The following ZNF469 variants were observed in gnomAD, a reference collection of about 807,000 sequenced individuals.
The protein encoded by ZNF469 is zinc finger protein 469.
ZNF469 carries 1 observed loss-of-function variant against 1.0 expected under a neutral mutation model. The ratio of observed to expected loss-of-function variants is 1.00; its 90% CI spans 0.35 to 4.73. The LOEUF (loss-of-function observed/expected upper bound fraction) is 4.73, where lower values mean the gene tolerates loss of function less well. ZNF469 is among the 30% of genes most tolerant of loss of function. The pLI is 0.16. For synonymous variants in ZNF469, 2,703 were observed against 2,363.4 expected (o/e 1.14, Z -4.17); for missense variants, 6,100 against 5,356.3 (o/e 1.14, Z -4.33).
chr16:88,337,403 T>G, the ZNF469 span, among the ~76,000 whole-genome samples: 1 of 152,230 alleles, frequency 6.6e-6, no homozygotes, highest in African/African-American at 2.4e-5. Flanking sequence ...TGAGGCCTCC[T>G]CAGCCCTGTG....
rs1279222105 is a variant in ZNF469 at position 88,424,327 on chromosome 16, A to G, written c.-191-480A>G. 6.6e-6 allele frequency among the ~76,000 whole-genome samples: 1 copy of G among 152,158 alleles called. No individual in the cohort carries two copies. Among genetic ancestry groups the G allele is most frequent in the African/African-American group, 2.4e-5 (1 of 41,424 alleles). On this transcript the variant is annotated intron_variant, in intron 1 of 2. Transcript: ENST00000565624. This position sits in a 1 kb window ranked among gnomAD's most constrained non-coding sequence, Gnocchi z 4.3. ...GTAGCCGACGATCTTCTGTTGAAGG[A>G]AGGAGGAAAGGCAGTGTGTGTTCCT...
chr16:88,321,342 T>C, the ZNF469 span, among the ~76,000 whole-genome samples: 5 of 152,284 alleles, frequency 3.3e-5, no homozygotes, highest in Admixed American at 6.5e-5. Flanking sequence ...CCGTAAGGCC[T>C]TGCCTGATTG....
chr16:88,247,360 GTGAA>G, the ZNF469 span, among the ~76,000 whole-genome samples: 4 of 102,576 alleles, frequency 3.9e-5, no homozygotes, highest in Admixed American at 9.8e-5. Context: ...GAATGAGTGA[GTGAA>G]TGAATGAGTG....
At chr16:88,274,212 G>A in the ZNF469 span, among the ~76,000 whole-genome samples, 9 of 152,188 alleles carry the variant, frequency 5.9e-5, no homozygotes, top group Non-Finnish European at 1.2e-4. Context: ...GACAAAAACT[G>A]TCTAATACCC....
the ZNF469 span, among the ~76,000 whole-genome samples, chr16:88,238,787 C>T: frequency 6.6e-6 from 1 of 152,250 alleles, no homozygotes; most frequent in Non-Finnish European, 1.5e-5. Context: ...TGTGATAATC[C>T]ACCAGAGCCC....
chr16:88,144,805 G>C, the ZNF469 span, among the ~76,000 whole-genome samples: 2 of 152,186 alleles, frequency 1.3e-5, no homozygotes, highest in South Asian at 2.1e-4. Flanking sequence ...CCATATTCTA[G>C]AGTCTCTTAT....
chr16:88,177,539 T>A, the ZNF469 span: 2 of 152,212 alleles, frequency 1.3e-5, no homozygotes, highest in African/African-American at 4.8e-5. This position sits in a 1 kb window ranked among gnomAD's most constrained non-coding sequence, Gnocchi z 4.8. Context: ...GCACTTCCCA[T>A]CTCAGACGTG....
chr16:88,240,172 A>G, the ZNF469 span, among the ~76,000 whole-genome samples: 3 of 152,040 alleles, frequency 2.0e-5, no homozygotes, highest in East Asian at 1.9e-4. Flanking sequence ...GCCAGCCCCA[A>G]TCAGCAGTGG....
At chr16:88,145,105 T>C in the ZNF469 span, among the ~76,000 whole-genome samples, 39 of 152,050 alleles carry the variant, frequency 2.6e-4, no homozygotes, top group African/African-American at 9.2e-4. Flanking sequence ...CCACCTCAGC[T>C]TCCCAAACAG....
chr16:88,290,735 A>G, the ZNF469 span, among the ~76,000 whole-genome samples: 30 of 152,236 alleles, frequency 2.0e-4, no homozygotes, highest in Admixed American at 2.0e-4. Flanking sequence ...TGTGGTCACC[A>G]CAGTGGCACA....
At chr16:88,264,590 C>G in the ZNF469 span, among the ~76,000 whole-genome samples, 7 of 151,610 alleles carry the variant, frequency 4.6e-5, no homozygotes, top group South Asian at 8.4e-4. Context: ...CCTCCTCCCC[C>G]CTCATCCCAG....
chr16:88,336,864 C>G, the ZNF469 span, among the ~76,000 whole-genome samples: 3 of 152,222 alleles, frequency 2.0e-5, no homozygotes, highest in Non-Finnish European at 4.4e-5. Context: ...AGTTCACCAC[C>G]TGCCGTTCCC....
At chr16:88,157,159 C>A in the ZNF469 span, among the ~76,000 whole-genome samples, 86,452 of 150,658 alleles carry the variant, frequency 0.57, 28,396 homozygotes, top group Non-Finnish European at 0.76. Flanking sequence ...CACAGGCAGC[C>A]GGCGCCACCG....
chr16:88,215,341 C>T, the ZNF469 span, among the ~76,000 whole-genome samples: 2 of 149,802 alleles, frequency 1.3e-5, no homozygotes, highest in African/African-American at 4.9e-5. Flanking sequence ...TTCTATTTAG[C>T]CATCTCTTTT....
chr16:88,184,661 AC>A, the ZNF469 span, among the ~76,000 whole-genome samples: 1 of 151,862 alleles, frequency 6.6e-6, no homozygotes, highest in Non-Finnish European at 1.5e-5. Flanking sequence ...GCAAAGCAGA[AC>A]CCCCAGTGAT....
the ZNF469 span, among the ~76,000 whole-genome samples, chr16:88,353,454 C>A: frequency 6.6e-6 from 1 of 152,204 alleles, no homozygotes; most frequent in African/African-American, 2.4e-5. Flanking sequence ...AGCCCCACAC[C>A]CTGGCCCCCT....
intron 1 of ZNF469, among the ~76,000 whole-genome samples, chr16:88,406,639 G>GCCTGCAGCC (rs991628915): frequency 2.0e-5 from 3 of 152,222 alleles, no homozygotes; most frequent in African/African-American, 4.8e-5. Flanking sequence ...GACCCCACGC[G>GCCTGCAGCC]CCTGCAGCCC....
At chr16:88,348,187 C>T in the ZNF469 span, among the ~76,000 whole-genome samples, 1 of 152,156 alleles carries the variant, frequency 6.6e-6, no homozygotes, top group Non-Finnish European at 1.5e-5. Context: ...GCTCTGGGGC[C>T]GGAAGTGCAA....
In ZNF469 at chr16:88,435,069, G is replaced by A. The variant is rs1459010148; in HGVS notation, c.7599G>A (p.Val2533=). 3.2e-6 allele frequency: 5 copies of A among 1,550,306 alleles called. No homozygotes were observed. Among genetic ancestry groups the A allele is most frequent in the Admixed American group, 2.0e-5 (1 of 50,992 alleles). ...CQPPRKKSHR[V]SGKERPNHSR... is the part of the protein sequence containing the mutation. ...CGCCCAGGAAGAAAAGCCACAGGGT[G>A]TCTGGGAAGGAGAGACCAAATCACT... is the stretch of plus-strand genomic sequence containing the variant. Residue 2533 remains valine, a synonymous_variant, in exon 3 of 3, where the codon GTG becomes GTA. Coordinates refer to ENST00000565624, the MANE Select transcript of ZNF469 (RefSeq NM_001367624.2).
Sources: allele counts gnomAD v4.1 joint callset (sites outside exome capture counted in the v4.1 genomes callset), GRCh38; gene constraint gnomAD v4.1.1; non-coding constraint Gnocchi (gnomAD v3.1); transcripts MANE v1.5; gene names NCBI Gene and HGNC (gene_info 2026-07-23, HGNC 2026-07-21).